The following PTPRD variants were observed in gnomAD, a reference collection of about 807,000 sequenced individuals.
The protein encoded by PTPRD is protein tyrosine phosphatase receptor type D.
Under a neutral mutation model 214.5 loss-of-function variants are expected in PTPRD, and 34 were observed. The ratio of observed to expected loss-of-function variants is 0.16; its 90% CI spans 0.12 to 0.21. The LOEUF is 0.21. PTPRD is among the 10% of genes least tolerant of loss of function. PTPRD has a pLI of 1.00. For synonymous variants in PTPRD, 1,128 were observed against 845.7 expected (o/e 1.33, Z -5.79); for missense variants, 2,545 against 2,398.7 (o/e 1.06, Z -1.27).
chr9:8,624,086 G>T (rs1022960742), intron 14 of PTPRD, among the ~76,000 whole-genome samples: 3 of 151,826 alleles, frequency 2.0e-5, no homozygotes, highest in African/African-American at 4.8e-5. Context: ...TAATATTCTA[G>T]TACGACAGTG....
At chr9:8,949,305 G>T (rs1468558939) in intron 11 of PTPRD, among the ~76,000 whole-genome samples, 1 of 151,666 alleles carries the variant, frequency 6.6e-6, no homozygotes, top group Admixed American at 6.6e-5. Context: ...AAGAGTGGTA[G>T]AAATAATTTA....
intron 7 of PTPRD, among the ~76,000 whole-genome samples, chr9:9,708,409 A>G (rs769648997): frequency 6.6e-6 from 1 of 152,144 alleles, no homozygotes; most frequent in Non-Finnish European, 1.5e-5. Context: ...TTACTAAAAT[A>G]TATTTAAATT....
chr9:9,822,657 C>T (rs2051198935), intron 5 of PTPRD, among the ~76,000 whole-genome samples: 1 of 151,580 alleles, frequency 6.6e-6, no homozygotes, highest in African/African-American at 2.4e-5. Flanking sequence ...TTTAAACTTA[C>T]AGTCAAAACA....
At chr9:9,481,094 G>A (rs1589504875) in intron 8 of PTPRD, among the ~76,000 whole-genome samples, 1 of 152,162 alleles carries the variant, frequency 6.6e-6, no homozygotes, top group Admixed American at 6.6e-5. Flanking sequence ...CTTCCATGAT[G>A]ATGATGATGG....
chr9:9,268,112 A>G (rs1041081559), intron 9 of PTPRD, among the ~76,000 whole-genome samples: 1 of 151,212 alleles, frequency 6.6e-6, no homozygotes, highest in Admixed American at 6.6e-5. Context: ...TCTTATATAT[A>G]GAAAACCCTA....
chr9:10,190,616 G>A (rs1333122510), intron 3 of PTPRD, among the ~76,000 whole-genome samples: 3 of 149,426 alleles, frequency 2.0e-5, no homozygotes, highest in Admixed American at 1.3e-4. Context: ...TGCTCGGGAG[G>A]CTGAGGCAGG....
intron 8 of PTPRD, among the ~76,000 whole-genome samples, chr9:9,458,775 T>C (rs2093345983): frequency 6.6e-6 from 1 of 151,962 alleles, no homozygotes; most frequent in African/African-American, 2.4e-5. Flanking sequence ...GCCCCATCTG[T>C]ACAAATGTAC....
chr9:9,680,376 T>C lies in PTPRD; in HGVS notation c.-287+54157A>G, dbSNP rs536045517. Among the ~76,000 whole-genome samples the C allele has an allele frequency of 2.5e-3, 382 of 151,972 alleles. 2 individuals are homozygous for C. Among genetic ancestry groups the C allele is most frequent in the African/African-American group, 8.6e-3 (355 of 41,504 alleles). ...AAAAGAAAAGCTTATTTCGGCATCA[T>C]TTGTGGATCAAGCCCAGAAATTATA... is the stretch of plus-strand genomic sequence containing the variant. On this transcript the variant is annotated intron_variant, in intron 7 of 45. Transcript: ENST00000381196.
chr9:8,545,841 T>C, intron 14 of PTPRD, among the ~76,000 whole-genome samples: 1 of 152,240 alleles, frequency 6.6e-6, no homozygotes, highest in East Asian at 1.9e-4. Flanking sequence ...ACATACTTTA[T>C]GGTATAAATT....
intron 2 of PTPRD, among the ~76,000 whole-genome samples, chr9:10,594,109 T>C (rs1431398382): frequency 1.3e-5 from 2 of 151,980 alleles, no homozygotes; most frequent in Admixed American, 6.6e-5. Context: ...TCAGTTGCTT[T>C]CCCCTTCCAA....
chr9:8,339,267 C>A (rs1042848627), intron 42 of PTPRD, among the ~76,000 whole-genome samples: 4 of 152,118 alleles, frequency 2.6e-5, no homozygotes, highest in African/African-American at 9.7e-5. Flanking sequence ...GCATCCAGCA[C>A]GGTCTCTGGC....
intron 5 of PTPRD, among the ~76,000 whole-genome samples, chr9:9,852,974 G>T (rs1671114238): frequency 6.6e-6 from 1 of 152,138 alleles, no homozygotes; most frequent in Non-Finnish European, 1.5e-5. Flanking sequence ...TTGGTTCCCA[G>T]CAGTGAGCAC....
At chr9:8,884,554 C>A (rs1161896612) in intron 11 of PTPRD, among the ~76,000 whole-genome samples, 1 of 152,136 alleles carries the variant, frequency 6.6e-6, no homozygotes, top group Non-Finnish European at 1.5e-5. Context: ...ACCAGGGAAC[C>A]AAAAGGCACT....
chr9:10,375,123 T>C (rs907383208), intron 2 of PTPRD, among the ~76,000 whole-genome samples: 45 of 152,134 alleles, frequency 3.0e-4, no homozygotes, highest in African/African-American at 1.1e-3. Context: ...CTGAAAAAAA[T>C]AGACAATTTA....
intron 5 of PTPRD, among the ~76,000 whole-genome samples, chr9:9,885,311 C>T (rs10491916): frequency 0.059 from 8,998 of 152,036 alleles, 835 homozygotes; most frequent in African/African-American, 0.2. Flanking sequence ...ATAAGGCCAA[C>T]GTGAGATAAA....
rs2098548466 is a variant in PTPRD, at chr9:10,421,811, T to C, written c.-599-80794A>G. On this transcript the variant is annotated intron_variant, in intron 2 of 45. Transcript: ENST00000381196. ...CAGTTTTATCTATAATCTTAGTTAA[T>C]ATATTTCTATTTTTATATTTTTTTC... is the stretch of plus-strand genomic sequence containing the variant. 2.0e-5 allele frequency among the ~76,000 whole-genome samples: 3 copies of C among 151,858 alleles called. 1 individual carries two copies. In the South Asian group the frequency reaches 6.2e-4, roughly 31 times the overall value.
chr9:8,735,555 C>G (rs2090069538), intron 11 of PTPRD, among the ~76,000 whole-genome samples: 1 of 152,146 alleles, frequency 6.6e-6, no homozygotes, highest in Non-Finnish European at 1.5e-5. Context: ...CTTTGAGAAC[C>G]TTCTGGTTGA....
intron 3 of PTPRD, among the ~76,000 whole-genome samples, chr9:10,320,041 G>A (rs779925604): frequency 9.2e-5 from 14 of 152,032 alleles, no homozygotes; most frequent in Non-Finnish European, 1.6e-4. Flanking sequence ...TAGTGGATCA[G>A]TAAGTAGCTT....
chr9:8,968,721 C>T (rs1160798404), intron 11 of PTPRD, among the ~76,000 whole-genome samples: 2 of 152,062 alleles, frequency 1.3e-5, no homozygotes, highest in Non-Finnish European at 1.5e-5. Context: ...AGTGTGATTT[C>T]AGTATCCCTT....
Sources: allele counts gnomAD v4.1 joint callset (sites outside exome capture counted in the v4.1 genomes callset), GRCh38; gene constraint gnomAD v4.1.1; transcripts MANE v1.5; gene names NCBI Gene and HGNC (gene_info 2026-07-23, HGNC 2026-07-21).